ZNF24: variants seen among roughly 807,000 people sequenced by gnomAD.
ZNF24 encodes zinc finger protein 24.
Under a neutral mutation model 40.9 loss-of-function variants are expected in ZNF24, and 11 were observed. The ratio of observed to expected loss-of-function variants is 0.27; its 90% CI spans 0.17 to 0.45. ZNF24 has a LOEUF of 0.45. Ranked by LOEUF, ZNF24 falls within the 20% of genes least tolerant of loss-of-function variation. The pLI, the probability that ZNF24 is intolerant of heterozygous loss-of-function variation, is 1.00. For synonymous variants in ZNF24, 139 were observed against 154.7 expected, an observed-to-expected ratio of 0.90 and a Z score of 0.75; for missense variants, 293 against 437.7, an observed-to-expected ratio of 0.67 and a Z score of 2.95.
rs2044913707 is a variant in ZNF24 at position 35,336,660 on chromosome 18, C to T, written c.*572G>A. The T allele has an allele frequency of 6.6e-6, 1 of 152,132 alleles. No individual in the cohort carries two copies. Among genetic ancestry groups the T allele is most frequent in the African/African-American group, 2.4e-5 (1 of 41,436 alleles). 9.4% of individuals were successfully genotyped at this position (152,132 alleles called of 1,614,324 possible). A position where few individuals can be genotyped will look rare whatever the true frequency, so the allele number is the denominator to read the frequency against. On this transcript the variant is annotated 3_prime_UTR_variant, in exon 4 of 4. Coordinates refer to ENST00000261332, the MANE Select transcript of ZNF24 (RefSeq NM_006965.4). ...TTCCCCAATCAAGGTGTTCCATTCA[C>T]TTTTTGATGTTTTATCACCATCACT...
chr18:35,340,661 A>AATTT lies in ZNF24; in HGVS notation c.-12_-11insAAAT, dbSNP rs1282958679. On this transcript the variant is annotated 5_prime_UTR_variant, in exon 2 of 4. Transcript: ENST00000261332. The surrounding 1 kb of genome is among the most constrained non-coding windows in gnomAD (Gnocchi z 4.6). The stretch of plus-strand genomic sequence containing the variant: ...TGACTGTGCAGACATTCTGATTTAT[A>AATTT]ATATTTCAAGAAAAGACAACTGAGG... The AATTT allele has an allele frequency of 2.5e-6, 4 of 1,605,094 alleles. No individual in the cohort carries two copies. Among genetic ancestry groups the AATTT allele is most frequent in the Non-Finnish European group, 3.4e-6 (4 of 1,176,252 alleles).
rs904220082 is a variant in ZNF24, at chr18:35,333,930, G to C, written c.*3302C>G. On this transcript the variant is annotated 3_prime_UTR_variant, in exon 4 of 4. Coordinates refer to ENST00000261332, the MANE Select transcript of ZNF24 (RefSeq NM_006965.4). ...TATGAAAAAAGAACATCTTCAATGT[G>C]GGGGGAGAGGAGGCAAGTCTCAGTG... 4 of 152,038 alleles carry C rather than the reference G, an allele frequency of 2.6e-5. No individual in the cohort carries two copies. Among genetic ancestry groups the C allele is most frequent in the Non-Finnish European group, 4.4e-5 (3 of 68,016 alleles). The allele number at this position is 152,038 out of a possible 1,614,324, so 9.4% of individuals were successfully genotyped here.
intron 1 of ZNF24, among the ~76,000 whole-genome samples, chr18:35,341,273 A>C (rs2044966433): frequency 6.6e-6 from 1 of 152,292 alleles, no homozygotes; most frequent in South Asian, 2.1e-4. Flanking sequence ...GAGCTGAAAA[A>C]TTCAAGATTC....
At chr18:35,339,007 G>A in intron 3 of ZNF24, 1 of 1,535,652 alleles carries the variant, frequency 6.5e-7, no homozygotes, top group Non-Finnish European at 8.7e-7. Context: ...CAGATGTGAA[G>A]AAAACCTGCT....
intron 3 of ZNF24, chr18:35,338,659 A>G: frequency 9.7e-7 from 1 of 1,030,112 alleles, no homozygotes. Context: ...AAGTCAGGAG[A>G]TAAGGCTAAG....
At position 35,335,280 on chromosome 18, in the gene ZNF24, CAAAGAG is replaced by C. The variant is rs2044895510; in HGVS notation, c.*1946_*1951del. On this transcript the variant is annotated 3_prime_UTR_variant, in exon 4 of 4. Coordinates refer to ENST00000261332, the MANE Select transcript of ZNF24 (RefSeq NM_006965.4). The stretch of plus-strand genomic sequence containing the variant: ...ACACTGACTTGTTTCCCCTCAGCCA[CAAAGAG>C]AAAAAGACCCAAACAAAAGTCCCTA... 1 of 152,124 alleles carries C rather than the reference CAAAGAG, an allele frequency of 6.6e-6. No homozygotes were observed. Among genetic ancestry groups the C allele is most frequent in the South Asian group, 2.1e-4 (1 of 4,826 alleles). 9.4% of individuals were successfully genotyped at this position (152,124 alleles called of 1,614,324 possible). A position where few individuals can be genotyped will look rare whatever the true frequency, so the allele number is the denominator to read the frequency against.
Position 35,333,611 on chromosome 18 carries a change from G to A in ZNF24, c.*3621C>T, listed in dbSNP as rs1011082773. Reference sequence around the variant, plus strand: ...GAAAAGAAAGAAATTTTGCCTACCAGATTGGCAAAAATTTTTAAGGATTCA... The same window carrying A: ...GAAAAGAAAGAAATTTTGCCTACCAAATTGGCAAAAATTTTTAAGGATTCA... On this transcript the variant is annotated 3_prime_UTR_variant, in exon 4 of 4. Coordinates refer to ENST00000261332, the MANE Select transcript of ZNF24 (RefSeq NM_006965.4). The A allele has an allele frequency of 2.0e-5, 3 of 152,196 alleles. No homozygotes were observed. Among genetic ancestry groups the A allele is most frequent in the African/African-American group, 7.2e-5 (3 of 41,458 alleles). 9.4% of individuals were successfully genotyped at this position (152,196 alleles called of 1,614,324 possible).
At chr18:35,341,671 G>C (rs1374037594) in intron 1 of ZNF24, among the ~76,000 whole-genome samples, 1 of 152,074 alleles carries the variant, frequency 6.6e-6, no homozygotes, top group Non-Finnish European at 1.5e-5. Flanking sequence ...CAGACCCTGT[G>C]TAAGCCTAAG....
rs928742180 is a variant in ZNF24 at position 35,336,150 on chromosome 18, T to C, written c.*1082A>G. The C allele has an allele frequency of 2.0e-5, 3 of 152,630 alleles. No homozygotes were observed. Among genetic ancestry groups the C allele is most frequent in the African/African-American group, 7.2e-5 (3 of 41,452 alleles). The allele number at this position is 152,630 out of a possible 1,614,324, so 9.5% of individuals were successfully genotyped here. ...ACAGTGGAAGAAATACCTACCTACT[T>C]ATGGTAGGATTACAGTACCTAGCAC... On this transcript the variant is annotated 3_prime_UTR_variant, in exon 4 of 4. Transcript: ENST00000261332.
chr18:35,342,930 C>T (rs748273680), intron 1 of ZNF24, among the ~76,000 whole-genome samples: 10 of 152,212 alleles, frequency 6.6e-5, no homozygotes, highest in African/African-American at 9.6e-5. Flanking sequence ...AACCAGACTA[C>T]TTCAGTGCTT....
At position 35,333,770 on chromosome 18, in the gene ZNF24, CAGA is replaced by C. The variant is rs1465711082; in HGVS notation, c.*3459_*3461del. The C allele has an allele frequency of 2.0e-5, 3 of 152,122 alleles. No individual in the cohort carries two copies. The highest frequency in any genetic ancestry group is 4.4e-5 in the Non-Finnish European group (3 of 68,018). 9.4% of individuals were successfully genotyped at this position (152,122 alleles called of 1,614,324 possible). ...AATAAATTTCTAGTTATTCATCCTA[CAGA>C]AATACCCACACAAGTAGCAAAATAC... On this transcript the variant is annotated 3_prime_UTR_variant, in exon 4 of 4. Coordinates refer to ENST00000261332, the MANE Select transcript of ZNF24 (RefSeq NM_006965.4).
In ZNF24 at chr18:35,340,933, AT is replaced by A. The variant is rs1433006151; in HGVS notation, c.-83-201del. Among the ~76,000 whole-genome samples, 2 of 152,162 alleles carry A rather than the reference AT, an allele frequency of 1.3e-5. No individual in the cohort carries two copies. Among genetic ancestry groups the A allele is most frequent in the African/African-American group, 4.8e-5 (2 of 41,430 alleles). On this transcript the variant is annotated intron_variant, in intron 1 of 3. Transcript: ENST00000261332. The surrounding 1 kb of genome is among the most constrained non-coding windows in gnomAD (Gnocchi z 4.6). ...CTGTACAACACTTGCACCAACAATA[AT>A]TTTCACATTTTTAAATGGCTGTGGT...
At chr18:35,341,719 CA>C (rs1444337570) in intron 1 of ZNF24, among the ~76,000 whole-genome samples, 1 of 151,304 alleles carries the variant, frequency 6.6e-6, no homozygotes, top group Non-Finnish European at 1.5e-5. Context: ...AAAACAGTTC[CA>C]AAAGAAAAAA....
rs574551503 is a variant in ZNF24, at chr18:35,339,447, GAGGTTTTC to G, written c.568+374_568+381del. ...GTGATATACAACAAAGAGATTAGAA[GAGGTTTTC>G]AGGTAAGCTTACTGTACCAATGGAA... On this transcript the variant is annotated intron_variant, in intron 3 of 3. Coordinates refer to ENST00000261332, the MANE Select transcript of ZNF24 (RefSeq NM_006965.4). 2.0e-3 allele frequency among the ~76,000 whole-genome samples: 305 copies of G among 152,270 alleles called. 4 individuals are homozygous for G. Among genetic ancestry groups the G allele is most frequent in the South Asian group, 0.011 (54 of 4,822 alleles).
chr18:35,343,916 G>T (rs1164018304), intron 1 of ZNF24: 1 of 153,430 alleles, frequency 6.5e-6, no homozygotes, highest in South Asian at 1.9e-4. Flanking sequence ...CAGGACCGCG[G>T]ATTTCAGATG....
Position 35,335,505 on chromosome 18 carries a change from C to T in ZNF24, c.*1727G>A, listed in dbSNP as rs530344120. On this transcript the variant is annotated 3_prime_UTR_variant, in exon 4 of 4. Transcript: ENST00000261332. ...TTTAATAGGCTCATGCAAAATCTCA[C>T]CTTCCATTTTTAAACTTGATCCAAG... The T allele has an allele frequency of 1.3e-5, 2 of 152,224 alleles. No homozygotes were observed. The highest frequency in any genetic ancestry group is 4.1e-4 in the South Asian group (2 of 4,822). 9.4% of individuals were successfully genotyped at this position (152,224 alleles called of 1,614,324 possible). A position where few individuals can be genotyped will look rare whatever the true frequency, so the allele number is the denominator to read the frequency against.
At position 35,336,619 on chromosome 18, in the gene ZNF24, A is replaced by G. The variant is rs1031921703; in HGVS notation, c.*613T>C. 1 of 152,176 alleles carries G rather than the reference A, an allele frequency of 6.6e-6. No homozygotes were observed. Among genetic ancestry groups the G allele is most frequent in the African/African-American group, 2.4e-5 (1 of 41,448 alleles). The allele number at this position is 152,176 out of a possible 1,614,324, so 9.4% of individuals were successfully genotyped here. On this transcript the variant is annotated 3_prime_UTR_variant, in exon 4 of 4. Transcript: ENST00000261332. ...CTTGATACATTTCAATTCTTAGATC[A>G]AAGTATTTGCATATCTTCCCCAATC...
Position 35,340,431 on chromosome 18 carries a change from G to C in ZNF24, c.220C>G (p.Arg74Gly). Residue 74 changes from arginine (R) to glycine (G), a missense_variant, in exon 2 of 4, where the codon CGA (arginine) becomes GGA (glycine). Arg to Gly is a moderately radical substitution (Grantham distance 125). Coordinates refer to ENST00000261332, the MANE Select transcript of ZNF24 (RefSeq NM_006965.4). This position sits in a 1 kb window ranked among gnomAD's most constrained non-coding sequence, Gnocchi z 4.6. ...CTGAGCCACAGACGGCAAAGTTCTC[G>C]GAGCTGGCTCACAGCCTCACGGGGC... ...PGPREAVSQL[R>G]ELCRLWLRPE... 1 of 1,614,206 alleles carries C rather than the reference G, an allele frequency of 6.2e-7. No homozygotes were observed. The highest frequency in any genetic ancestry group is 8.5e-7 in the Non-Finnish European group (1 of 1,180,044).
Position 35,337,270 on chromosome 18 carries a change from G to T in ZNF24, c.1069C>A (p.His357Asn). Residue 357 changes from histidine (H) to asparagine (N), a missense_variant, in exon 4 of 4, where the codon CAC becomes AAC. By Grantham distance (68) the His-to-Asn change is moderately conservative (BLOSUM62 1). Around this residue, in one of 2 missense-constraint regions of ZNF24, gnomAD observed 59 missense variants for 138.6 expected, o/e 0.43. Transcript: ENST00000261332. ...SSNLFRHQRR[H>N]NAEKLLNVVK... ...ACATTCAGAAGTTTTTCTGCATTGT[G>T]TCTTCTCTGATGTCTAAAAAGATTT... 1.3e-6 allele frequency: 2 copies of T among 1,485,824 alleles called. No individual in the cohort carries two copies. Among genetic ancestry groups the T allele is most frequent in the Admixed American group, 2.1e-5 (1 of 47,054 alleles). The allele number at this position is 1,485,824 out of a possible 1,614,324, so 92.0% of individuals were successfully genotyped here. A position where few individuals can be genotyped will look rare whatever the true frequency, so the allele number is the denominator to read the frequency against.
Sources: gnomAD v4.1 joint callset for allele counts (sites outside exome capture counted in the v4.1 genomes callset) on GRCh38, gnomAD v4.1.1 for gene constraint, gnomAD v4.1.1 regional missense constraint, Gnocchi (gnomAD v3.1) non-coding constraint, MANE v1.5 for transcripts, NCBI Gene and HGNC (gene_info 2026-07-23, HGNC 2026-07-21) for gene names.